TMEM63A: variants seen among roughly 807,000 people sequenced by gnomAD.
TMEM63A encodes mechanosensitive cation channel TMEM63A.
Under a neutral mutation model 100.6 loss-of-function variants are expected in TMEM63A, and 76 were observed. The ratio of observed to expected loss-of-function variants is 0.76; its 90% confidence interval spans 0.63 to 0.91. The LOEUF is 0.91. Ranked by LOEUF, TMEM63A falls within the 40% of genes least tolerant of loss-of-function variation. TMEM63A has a pLI of 0.00. For synonymous variants in TMEM63A, 401 were observed against 401.1 expected (o/e 1.00, Z 0.00); for missense variants, 876 against 1,008.8 (o/e 0.87, Z 1.78).
At chr1:225,852,449 C>T (rs967205582) in intron 20 of TMEM63A, among the ~76,000 whole-genome samples, 1 of 152,204 alleles carries the variant, frequency 6.6e-6, no homozygotes, top group Non-Finnish European at 1.5e-5. Flanking sequence ...TCATGCCACT[C>T]CAGCCTGGGC....
At chr1:225,869,674 T>C (rs1670401458) in intron 6 of TMEM63A, among the ~76,000 whole-genome samples, 2 of 149,070 alleles carry the variant, frequency 1.3e-5, no homozygotes, top group South Asian at 4.3e-4. Flanking sequence ...TTCTTTTTTT[T>C]TTTTTTTGAG....
At chr1:225,870,920 T>C (rs1670478453) in intron 6 of TMEM63A, among the ~76,000 whole-genome samples, 156 bp downstream of exon 6, 1 of 152,168 alleles carries the variant, frequency 6.6e-6, no homozygotes, top group South Asian at 2.1e-4. Flanking sequence ...GTCACCTTGA[T>C]TCTCAGCCCT....
Position 225,853,841 on chromosome 1 carries a change from G to A in TMEM63A, c.1635-50C>T, listed in dbSNP as rs373421276. ...GTGAGCTGAGAGCCGCTCTTGGAGG[G>A]AGAGGAGGGGCCCCTAGGCTGGGCA... On this transcript the variant is annotated intron_variant, in intron 18 of 24. Transcript: ENST00000366835. The surrounding 1 kb of genome is among the most constrained non-coding windows in gnomAD (Gnocchi z 4.0). 13 of 1,511,226 alleles carry A rather than the reference G, an allele frequency of 8.6e-6. No individual in the cohort carries two copies. The highest frequency in any genetic ancestry group is 1.2e-5 in the Non-Finnish European group (13 of 1,129,304). The allele number at this position is 1,511,226 out of a possible 1,614,324, so 93.6% of individuals were successfully genotyped here.
intron 20 of TMEM63A, 67 bp from the exon 21 acceptor site, chr1:225,850,146 C>A: frequency 6.4e-7 from 1 of 1,562,654 alleles, no homozygotes; most frequent in Non-Finnish European, 8.7e-7. Flanking sequence ...TCCTCTTCCT[C>A]TCCGGGGCGG....
chr1:225,867,940 G>C lies in TMEM63A; in HGVS notation c.462C>G (p.Ser154Arg). 6.2e-7 allele frequency: 1 copy of C among 1,614,156 alleles called. No homozygotes were observed. The highest frequency in any genetic ancestry group is 8.5e-7 in the Non-Finnish European group (1 of 1,180,032). The change falls in exon 7 of 25, where the codon AGC (serine) becomes AGG (arginine). Residue 154 changes from serine (S) to arginine (R), a missense_variant. Ser to Arg is a moderately radical substitution (Grantham distance 110, BLOSUM62 -1). This residue lies in a region of TMEM63A where 487 missense variants were observed against 581.9 expected (regional missense o/e 0.84). Coordinates refer to ENST00000366835, the MANE Select transcript of TMEM63A (RefSeq NM_014698.3). This position sits in a 1 kb window ranked among gnomAD's most constrained non-coding sequence, Gnocchi z 4.6. Reference protein sequence around the residue: ...RHIIFLLVVVSFLSLCVILPV... With the variant: ...RHIIFLLVVVRFLSLCVILPV... ...GCAGGATGACACACAGGGACAAAAA[G>C]CTGACCACCACCAACAGGAAGATGA...
chr1:225,874,113 CAT>C (rs1341711243), intron 4 of TMEM63A, among the ~76,000 whole-genome samples, 173 bp downstream of exon 4: 2 of 152,298 alleles, frequency 1.3e-5, no homozygotes, highest in African/African-American at 4.8e-5. Flanking sequence ...ATAGCAGTGT[CAT>C]GTGTGGGTCC....
chr1:225,846,791 C>A lies in TMEM63A; in HGVS notation c.*148G>T, dbSNP rs1227774372. 2.4e-5 allele frequency: 10 copies of A among 414,980 alleles called. No homozygotes were observed. The highest frequency in any genetic ancestry group is 1.2e-3 in the Middle Eastern group (2 of 1,632). The allele number at this position is 414,980 out of a possible 1,614,324, so 25.7% of individuals were successfully genotyped here. A position where few individuals can be genotyped will look rare whatever the true frequency, so the allele number is the denominator to read the frequency against. On this transcript the variant is annotated 3_prime_UTR_variant, in exon 25 of 25. Transcript: ENST00000366835. ...TGGGTGAGCAAGGGAGGGGCGAGGC[C>A]TGCCTGTGCTCTCCTCACCACTGCT...
intron 13 of TMEM63A, chr1:225,861,945 C>G (rs1446978658): frequency 7.7e-6 from 4 of 522,634 alleles, no homozygotes; most frequent in South Asian, 4.4e-5. Context: ...CAGGGAAGAG[C>G]CCAGCAGTGG....
At chr1:225,881,058 A>C (rs140219516) in intron 1 of TMEM63A, among the ~76,000 whole-genome samples, 94 of 152,350 alleles carry the variant, frequency 6.2e-4, no homozygotes, top group African/African-American at 2.1e-3. Context: ...GATGCAGAAT[A>C]AGGTTGCAAA....
Position 225,867,214 on chromosome 1 carries a change from G to C in TMEM63A, c.515-51C>G, listed in dbSNP as rs758196382. ...TCCAGGGTCATGTGGGGAAGCAGGA[G>C]GGGGCGTAACCAATCAGCCTTGGTT... On this transcript the variant is annotated intron_variant, in intron 7 of 24. Transcript: ENST00000366835. The surrounding 1 kb of genome is among the most constrained non-coding windows in gnomAD (Gnocchi z 4.6). The C allele has an allele frequency of 4.1e-5, 66 of 1,594,528 alleles. 2 individuals are homozygous for C. In the South Asian group the frequency reaches 7.1e-4, roughly 17 times the overall value.
chr1:225,876,095 A>G (rs1670788821), intron 3 of TMEM63A, among the ~76,000 whole-genome samples: 1 of 143,534 alleles, frequency 7.0e-6, no homozygotes, highest in African/African-American at 2.6e-5. Flanking sequence ...AAAAAAAAAA[A>G]AAAAAATTCA....
chr1:225,852,485 CA>C, intron 20 of TMEM63A, among the ~76,000 whole-genome samples, 178 bp downstream of exon 20: 1 of 151,950 alleles, frequency 6.6e-6, no homozygotes, highest in East Asian at 1.9e-4. Flanking sequence ...TGTCTCAAAA[CA>C]AAAAAAGAAA....
At chr1:225,878,815 T>C (rs558849377) in intron 2 of TMEM63A, among the ~76,000 whole-genome samples, 25 of 151,970 alleles carry the variant, frequency 1.6e-4, no homozygotes, top group African/African-American at 5.1e-4. Flanking sequence ...GGTGTGTATG[T>C]TGGGTAACCC....
At chr1:225,872,718 G>C (rs1393659289) in intron 4 of TMEM63A, among the ~76,000 whole-genome samples, 1 of 124,464 alleles carries the variant, frequency 8.0e-6, no homozygotes, top group Non-Finnish European at 1.6e-5. Flanking sequence ...TTTTGAGACA[G>C]AGTCTGGCTC....
chr1:225,867,233 C>T lies in TMEM63A; in HGVS notation c.515-70G>A. ...GCAGGAGGGGGCGTAACCAATCAGC[C>T]TTGGTTTGTGGAGCTCTGGGGAGGA... On this transcript the variant is annotated intron_variant, in intron 7 of 24. Transcript: ENST00000366835. The surrounding 1 kb of genome is among the most constrained non-coding windows in gnomAD (Gnocchi z 4.6). 2 of 1,533,658 alleles carry T rather than the reference C, an allele frequency of 1.3e-6. No individual in the cohort carries two copies. Among genetic ancestry groups the T allele is most frequent in the South Asian group, 1.1e-5 (1 of 89,464 alleles).
At position 225,847,819 on chromosome 1, in the gene TMEM63A, G is replaced by A. The variant is rs371945162; in HGVS notation, c.2251-606C>T. On this transcript the variant is annotated intron_variant, in intron 23 of 24. Coordinates refer to ENST00000366835, the MANE Select transcript of TMEM63A (RefSeq NM_014698.3). Reference sequence around the variant, plus strand: ...TGGAACTTGTCCAAGGACAGACACCGATAAGAGAGCCTGACACCTGGGAGG... The same window carrying A: ...TGGAACTTGTCCAAGGACAGACACCAATAAGAGAGCCTGACACCTGGGAGG... 1.8e-4 allele frequency among the ~76,000 whole-genome samples: 27 copies of A among 152,254 alleles called. No individual in the cohort carries two copies. In the South Asian group the frequency reaches 4.8e-3, roughly 27 times the overall value.
In TMEM63A at chr1:225,871,107, A is replaced by G. The variant is rs200219399; in HGVS notation, c.340T>C (p.Cys114Arg). Reference protein sequence around the residue: ...QQDFENELGCCPWLTAIFRLH... With the variant: ...QQDFENELGCRPWLTAIFRLH... ...CGGAAGATGGCAGTCAGCCAGGGAC[A>G]GCATCCCTGGAAACGGAGAGAACAG... Residue 114 changes from cysteine to arginine, a missense_variant, in exon 6 of 25, where the codon TGT becomes CGT. Cys to Arg is a radical substitution (Grantham distance 180, BLOSUM62 -3). Transcript: ENST00000366835. 1.2e-6 allele frequency: 2 copies of G among 1,613,968 alleles called. No homozygotes were observed. The highest frequency in any genetic ancestry group is 1.7e-6 in the Non-Finnish European group (2 of 1,179,844).
chr1:225,845,232 C>CAAAGCTCATCTCCTATT (rs768279610), downstream of TMEM63A: 4 of 1,614,124 alleles, frequency 2.5e-6, no homozygotes, highest in Non-Finnish European at 2.5e-6. Context: ...TTCAAGTACC[C>CAAAGCTCATCTCCTATT]AAAGCTCATC....
chr1:225,858,915 A>G (rs1181189713), intron 15 of TMEM63A, among the ~76,000 whole-genome samples: 2 of 151,752 alleles, frequency 1.3e-5, no homozygotes, highest in African/African-American at 2.4e-5. Context: ...ATTAAAATAT[A>G]TATGTATGCA....
Sources: allele counts gnomAD v4.1 joint callset (sites outside exome capture counted in the v4.1 genomes callset), GRCh38; gene constraint gnomAD v4.1.1; regional missense constraint gnomAD v4.1.1; non-coding constraint Gnocchi (gnomAD v3.1); transcripts MANE v1.5; gene names NCBI Gene and HGNC (gene_info 2026-07-23, HGNC 2026-07-21).